TENM3: variants seen among roughly 807,000 people sequenced by gnomAD.
The protein encoded by TENM3 is teneurin transmembrane protein 3, also known as teneurin-3.
Under a neutral mutation model 255.1 loss-of-function variants are expected in TENM3, and 63 were observed. That is an observed-to-expected ratio of 0.25 (90% CI 0.20 to 0.30). TENM3 has a LOEUF of 0.30. Among genes scored for constraint, TENM3 ranks in the 10% least tolerant of loss-of-function variants. TENM3 has a pLI of 1.00. For synonymous variants in TENM3, 1,306 were observed against 1,322.3 expected (o/e 0.99, Z 0.27); for missense variants, 2,929 against 3,461.1 (o/e 0.85, Z 3.86).
chr4:181,456,127 A>ATGTGTG, the TENM3 span, among the ~76,000 whole-genome samples: 2,686 of 141,700 alleles, frequency 0.019, 51 homozygotes, highest in Middle Eastern at 0.076. Flanking sequence ...ATATATATAT[A>ATGTGTG]TGTGTGTGTG....
chr4:182,045,460 G>C, the TENM3 span, among the ~76,000 whole-genome samples: 2 of 151,148 alleles, frequency 1.3e-5, no homozygotes, highest in Admixed American at 6.6e-5. Flanking sequence ...CATAACCTAC[G>C]AAAGAACAGG....
At chr4:181,774,026 TTTA>T in the TENM3 span, among the ~76,000 whole-genome samples, 13 of 136,134 alleles carry the variant, frequency 9.5e-5, no homozygotes, top group African/African-American at 3.3e-4. Context: ...TTTTTTTTTT[TTTA>T]TTATACTCTA....
chr4:181,510,697 A>G, the TENM3 span, among the ~76,000 whole-genome samples: 1 of 152,230 alleles, frequency 6.6e-6, no homozygotes, highest in Admixed American at 6.5e-5. Flanking sequence ...AGAAAGAAGC[A>G]TCTGAAAGGT....
At chr4:182,209,531 C>G (rs544747615) in intron 1 of TENM3, among the ~76,000 whole-genome samples, 17 of 152,116 alleles carry the variant, frequency 1.1e-4, no homozygotes, top group Non-Finnish European at 1.5e-4. Flanking sequence ...CTAGGAGCCC[C>G]CTTCGCACCA....
chr4:181,668,146 T>A, the TENM3 span, among the ~76,000 whole-genome samples: 1 of 152,172 alleles, frequency 6.6e-6, no homozygotes, highest in Non-Finnish European at 1.5e-5. Flanking sequence ...ATTTATTGGA[T>A]GGATGAATAT....
the TENM3 span, among the ~76,000 whole-genome samples, chr4:182,037,150 A>ATTTTTTTTTTTTTTTTTT: frequency 2.4e-3 from 352 of 144,658 alleles, 3 homozygotes; most frequent in African/African-American, 8.5e-3. Context: ...AACTCCTTTT[A>ATTTTTTTTTTTTTTTTTT]TTTTTTTTTT....
At chr4:182,638,149 T>C (rs1200840953) in intron 5 of TENM3, among the ~76,000 whole-genome samples, 1 of 152,124 alleles carries the variant, frequency 6.6e-6, no homozygotes, top group Admixed American at 6.5e-5. Context: ...AGATCTATAA[T>C]TGCCGCAAGA....
chr4:182,066,590 T>C, the TENM3 span, among the ~76,000 whole-genome samples: 1 of 136,340 alleles, frequency 7.3e-6, no homozygotes, highest in Non-Finnish European at 1.6e-5. Flanking sequence ...AGAATTATGG[T>C]AAAAAAAAAA....
the TENM3 span, chr4:181,976,492 C>T: frequency 2.0e-5 from 3 of 152,178 alleles, no homozygotes; most frequent in Non-Finnish European, 4.4e-5. Flanking sequence ...TTCACAGGTA[C>T]TAGGGGGTAG....
intron 3 of TENM3, among the ~76,000 whole-genome samples, chr4:182,545,839 C>T (rs975727865): frequency 4.6e-5 from 7 of 152,088 alleles, no homozygotes; most frequent in South Asian, 2.1e-4. Flanking sequence ...TACAGTTGAC[C>T]GTTGAACAAT....
upstream of TENM3, chr4:182,141,821 G>GA (rs886652807): frequency 1.3e-5 from 2 of 152,098 alleles, no homozygotes; most frequent in African/African-American, 2.4e-5. Context: ...GAGGATTCTA[G>GA]AAAAAAGAGC....
chr4:181,874,932 T>C, the TENM3 span, among the ~76,000 whole-genome samples: 1 of 152,370 alleles, frequency 6.6e-6, no homozygotes, highest in African/African-American at 2.4e-5. Flanking sequence ...CGTCCTGCAC[T>C]GCCTGTTGTT....
the TENM3 span, among the ~76,000 whole-genome samples, chr4:181,452,760 T>C: frequency 8.5e-5 from 13 of 152,220 alleles, no homozygotes; most frequent in African/African-American, 3.1e-4. Context: ...CAGAGCATAG[T>C]CCTAAAAAGG....
chr4:182,728,648 A>G (rs1006652275), intron 13 of TENM3, among the ~76,000 whole-genome samples: 1 of 152,238 alleles, frequency 6.6e-6, no homozygotes, highest in African/African-American at 2.4e-5. Flanking sequence ...TCTGTACAGC[A>G]TGTTACTCTA....
At chr4:182,646,363 A>G (rs1752739674) in intron 5 of TENM3, among the ~76,000 whole-genome samples, 2 of 152,218 alleles carry the variant, frequency 1.3e-5, no homozygotes, top group South Asian at 4.1e-4. Context: ...AAAATAAAGT[A>G]TTGATGATGT....
chr4:182,112,862 C>G, the TENM3 span, among the ~76,000 whole-genome samples: 1 of 152,214 alleles, frequency 6.6e-6, no homozygotes, highest in African/African-American at 2.4e-5. Flanking sequence ...GCTGCTCACA[C>G]TTACTAAAAA....
the TENM3 span, among the ~76,000 whole-genome samples, chr4:182,015,578 T>A: frequency 8.4e-5 from 10 of 119,142 alleles, no homozygotes; most frequent in African/African-American, 3.0e-4. Context: ...TTATTTATTT[T>A]TAGACAGGGT....
At chr4:182,051,374 C>CTT in the TENM3 span, among the ~76,000 whole-genome samples, 1 of 108,468 alleles carries the variant, frequency 9.2e-6, no homozygotes. Context: ...GTTATTTTTC[C>CTT]TCTCTTTTTT....
In TENM3 at chr4:182,314,177, T is replaced by C. The variant is rs975380030; in HGVS notation, c.-75-9769T>C. On this transcript the variant is annotated intron_variant, in intron 1 of 27. Transcript: ENST00000511685. ...TTAGCCGGGCGCTTTGGCAAGCGCC[T>C]GTAGTCCCAGCTACTCGGGAGGCTG... Among the ~76,000 whole-genome samples the C allele has an allele frequency of 8.5e-5, 13 of 152,202 alleles. No individual in the cohort carries two copies. The South Asian group carries it at 1.5e-3, about 17-fold the overall frequency.
Sources: gnomAD v4.1 joint callset for allele counts (sites outside exome capture counted in the v4.1 genomes callset) on GRCh38, gnomAD v4.1.1 for gene constraint, MANE v1.5 for transcripts, NCBI Gene and HGNC (gene_info 2026-07-23, HGNC 2026-07-21) for gene names.